PADI1: variants seen among roughly 807,000 people sequenced by gnomAD.
PADI1 encodes the protein protein-arginine deiminase type-1.
In PADI1, 65 loss-of-function variants were observed where a neutral mutation model predicts 74.8. The observed-to-expected ratio is 0.87, with a 90% CI of 0.71 to 1.07. PADI1 has a LOEUF of 1.07. Among genes scored for constraint, PADI1 ranks in the 50% least tolerant of loss-of-function variants. The pLI is 0.00. For synonymous variants in PADI1, 371 were observed against 336.2 expected (o/e 1.10, Z -1.13); for missense variants, 943 against 854.0 (o/e 1.10, Z -1.30).
intron 1 of PADI1, among the ~76,000 whole-genome samples, chr1:17,206,682 T>C (rs1057000052): frequency 3.0e-5 from 4 of 134,200 alleles, no homozygotes; most frequent in Non-Finnish European, 6.1e-5. Flanking sequence ...TTTTTCTTTT[T>C]CTTTTTTTTT....
intron 1 of PADI1, among the ~76,000 whole-genome samples, chr1:17,205,830 A>G (rs1035864415): frequency 2.0e-5 from 3 of 152,162 alleles, no homozygotes; most frequent in African/African-American, 7.2e-5. Flanking sequence ...ATGAAGAGAG[A>G]ACCTGGAGCA....
chr1:17,224,962 G>C (rs2100458431), intron 4 of PADI1, among the ~76,000 whole-genome samples: 1 of 152,258 alleles, frequency 6.6e-6, no homozygotes, highest in African/African-American at 2.4e-5. Context: ...GAGGCAGCCT[G>C]GATCACAAAG....
chr1:17,219,217 G>A (rs1346412721), intron 1 of PADI1, among the ~76,000 whole-genome samples: 2 of 152,030 alleles, frequency 1.3e-5, no homozygotes, highest in South Asian at 2.1e-4. Flanking sequence ...ATTAGGGAGT[G>A]GAGCAAGGGG....
At chr1:17,212,896 G>C (rs186148484) in intron 1 of PADI1, among the ~76,000 whole-genome samples, 1 of 152,240 alleles carries the variant, frequency 6.6e-6, no homozygotes, top group Non-Finnish European at 1.5e-5. Context: ...GGGCCAGGGG[G>C]CTGTGGCTTT....
chr1:17,238,622 C>T lies in PADI1; in HGVS notation c.1465C>T (p.Arg489Trp), dbSNP rs201527876. Residue 489 changes from arginine (R) to tryptophan (W), a missense_variant, in exon 13 of 16, where the codon CGG becomes TGG. By Grantham distance (101) the Arg-to-Trp change is moderately radical. Coordinates refer to ENST00000375471, the MANE Select transcript of PADI1 (RefSeq NM_013358.3). ...FVPTSDQKGFRLLLASPSACL... is the reference protein window; with the variant it reads ...FVPTSDQKGFWLLLASPSACL... ...CTCCCTCCCTCCGTGCCAGGGCTTC[C>T]GGCTGCTCCTGGCTAGCCCCAGCGC... 1.4e-4 allele frequency: 204 copies of T among 1,505,822 alleles called. No individual in the cohort carries two copies. The highest frequency in any genetic ancestry group is 1.7e-4 in the Non-Finnish European group (192 of 1,117,020). The allele number at this position is 1,505,822 out of a possible 1,614,324, so 93.3% of individuals were successfully genotyped here. A position where few individuals can be genotyped will look rare whatever the true frequency, so the allele number is the denominator to read the frequency against.
At chr1:17,231,488 T>C (rs2072489330) in intron 10 of PADI1, among the ~76,000 whole-genome samples, 1 of 152,148 alleles carries the variant, frequency 6.6e-6, no homozygotes, top group Non-Finnish European at 1.5e-5. Context: ...TGTGATGGGA[T>C]GCAGTCTGTG....
In PADI1 at chr1:17,228,998, C is replaced by T. The variant is rs142061042; in HGVS notation, c.876C>T (p.Ala292=). 6.3e-7 allele frequency: 1 copy of T among 1,595,980 alleles called. No individual in the cohort carries two copies. The highest frequency in any genetic ancestry group is 1.3e-5 in the African/African-American group (1 of 74,706). The change falls in exon 8 of 16, where the codon GCC becomes GCT. Residue 292 remains alanine (A), a synonymous_variant. Coordinates refer to ENST00000375471, the MANE Select transcript of PADI1 (RefSeq NM_013358.3). ...LFTDTVGFRM[A]PWIMTPNTQP... The stretch of plus-strand genomic sequence containing the variant: ...CAGACACTGTGGGCTTCCGCATGGC[C>T]CCCTGGATCATGACGCCCAACACTC...
Position 17,237,415 on chromosome 1 carries a change from A to C in PADI1, c.1415A>C (p.His472Pro), listed in dbSNP as rs761113575. Residue 472 changes from histidine (H) to proline (P), a missense_variant, in exon 12 of 16, where the codon CAT (histidine) becomes CCT (proline). Coordinates refer to ENST00000375471, the MANE Select transcript of PADI1 (RefSeq NM_013358.3). ...ELYSDWLSVG[H>P]VDEFLTFVPT... Reference sequence around the variant, plus strand: ...TACTCGGACTGGCTCTCTGTGGGCCATGTGGACGAGTTTCTGACCTTTGTG... The same window carrying C: ...TACTCGGACTGGCTCTCTGTGGGCCCTGTGGACGAGTTTCTGACCTTTGTG... 2 of 1,613,582 alleles carry C rather than the reference A, an allele frequency of 1.2e-6. No homozygotes were observed. The highest frequency in any genetic ancestry group is 8.5e-7 in the Non-Finnish European group (1 of 1,179,706).
intron 1 of PADI1, among the ~76,000 whole-genome samples, chr1:17,219,663 C>T (rs753221806): frequency 4.0e-5 from 6 of 151,828 alleles, no homozygotes; most frequent in Admixed American, 6.6e-5. Context: ...GAGGACAGAG[C>T]GATGGTGTGC....
Position 17,222,393 on chromosome 1 carries a change from G to T in PADI1, c.196G>T (p.Ala66Ser). Residue 66 changes from alanine to serine, a missense_variant, in exon 2 of 16, where the codon GCC becomes TCC. Ala to Ser is a moderately conservative substitution (Grantham distance 99). Transcript: ENST00000375471. ...ACGTGTGAAAGAGCCCATAGGCAAGGCCCGTTGGCCGCTAGACACTGATGC... is the reference window on the plus strand; with the variant it reads ...ACGTGTGAAAGAGCCCATAGGCAAGTCCCGTTGGCCGCTAGACACTGATGC... ...RTRVKEPIGKARWPLDTDADM... is the reference protein window; with the variant it reads ...RTRVKEPIGKSRWPLDTDADM... The T allele has an allele frequency of 6.2e-7, 1 of 1,614,114 alleles. No individual in the cohort carries two copies. The highest frequency in any genetic ancestry group is 8.5e-7 in the Non-Finnish European group (1 of 1,179,944).
chr1:17,218,385 T>A (rs2072036554), intron 1 of PADI1, among the ~76,000 whole-genome samples: 1 of 152,148 alleles, frequency 6.6e-6, no homozygotes, highest in African/African-American at 2.4e-5. Flanking sequence ...TGTTAAACAT[T>A]TGCCAGCACA....
intron 1 of PADI1, among the ~76,000 whole-genome samples, chr1:17,208,909 T>C (rs1336518824): frequency 6.6e-6 from 1 of 152,198 alleles, no homozygotes; most frequent in Non-Finnish European, 1.5e-5. Context: ...AAGGCCGGCC[T>C]TGTAGGAGAC....
At chr1:17,215,533 G>A (rs1266234345) in intron 1 of PADI1, among the ~76,000 whole-genome samples, 1 of 152,080 alleles carries the variant, frequency 6.6e-6, no homozygotes, top group East Asian at 1.9e-4. Flanking sequence ...GTCTGGCACC[G>A]GTGGTCCCTG....
intron 1 of PADI1, among the ~76,000 whole-genome samples, chr1:17,206,618 A>G (rs991956412): frequency 6.6e-6 from 1 of 151,754 alleles, no homozygotes; most frequent in Non-Finnish European, 1.5e-5. Flanking sequence ...AGTATATTGC[A>G]TGGGAGATAT....
chr1:17,241,205 G>T (rs1056955740), intron 15 of PADI1, among the ~76,000 whole-genome samples: 2 of 152,350 alleles, frequency 1.3e-5, no homozygotes, highest in Middle Eastern at 3.4e-3. Flanking sequence ...CGGTGCAGGT[G>T]GGGTGGGCGG....
At chr1:17,230,363 G>A (rs984483642) in intron 9 of PADI1, among the ~76,000 whole-genome samples, 155 bp downstream of exon 9, 7 of 152,198 alleles carry the variant, frequency 4.6e-5, no homozygotes, top group South Asian at 2.1e-4. Context: ...ATCAGCCCCA[G>A]CCTCCACTGC....
chr1:17,216,507 G>C (rs1281997268), intron 1 of PADI1, among the ~76,000 whole-genome samples: 1 of 152,088 alleles, frequency 6.6e-6, no homozygotes. Context: ...GGCAGGAGCA[G>C]GTTTGAAAGG....
intron 1 of PADI1, among the ~76,000 whole-genome samples, chr1:17,214,302 T>G (rs1323681000): frequency 6.6e-6 from 1 of 152,048 alleles, no homozygotes; most frequent in African/African-American, 2.4e-5. Flanking sequence ...GAGGTGGCAT[T>G]TGAAGTGGGT....
intron 4 of PADI1, among the ~76,000 whole-genome samples, chr1:17,225,357 C>A (rs2072277599): frequency 6.6e-6 from 1 of 152,160 alleles, no homozygotes; most frequent in Non-Finnish European, 1.5e-5. Flanking sequence ...GCAGAGCCTG[C>A]AGGACTGCAT....
Sources: gnomAD v4.1 joint callset for allele counts (sites outside exome capture counted in the v4.1 genomes callset) on GRCh38, gnomAD v4.1.1 for gene constraint, MANE v1.5 for transcripts, NCBI Gene and HGNC (gene_info 2026-07-23, HGNC 2026-07-21) for gene names.